HELB: variants seen among roughly 807,000 people sequenced by gnomAD.
The protein encoded by HELB is DNA 5'-3' helicase B.
In HELB, 96 loss-of-function variants were observed where a neutral mutation model predicts 101.7. The observed-to-expected ratio is 0.94, with a 90% CI of 0.80 to 1.12. HELB has a LOEUF of 1.12. HELB is among the 50% of genes most tolerant of loss of function. The probability of loss-of-function intolerance (pLI) is 0.00; values close to 1 mark genes in which losing one functional copy is unlikely to be tolerated. For synonymous variants in HELB, 437 were observed against 459.7 expected (o/e 0.95, Z 0.63); for missense variants, 1,210 against 1,291.9 (o/e 0.94, Z 0.97).
Position 66,306,603 on chromosome 12 carries a change from A to C in HELB, c.777+89A>C, listed in dbSNP as rs552455557. The C allele has an allele frequency of 4.4e-6, 4 of 906,360 alleles. No individual in the cohort carries two copies. In the East Asian group the frequency reaches 1.1e-4, roughly 25 times the overall value. 56.1% of individuals were successfully genotyped at this position (906,360 alleles called of 1,614,324 possible). On this transcript the variant is annotated intron_variant, in intron 3 of 12. Transcript: ENST00000247815. ...TTTTCCTTTCTCTTTCAAAGGAAAA[A>C]AATTTGTGTGGACCCCAGTATTGAT... is the stretch of plus-strand genomic sequence containing the variant.
intron 5 of HELB, among the ~76,000 whole-genome samples, chr12:66,314,497 A>G (rs2053579386): frequency 6.6e-6 from 1 of 152,162 alleles, no homozygotes. Flanking sequence ...AGTTTGAATT[A>G]TAGGCCACTT....
chr12:66,337,181 A>C (rs115548273), intron 12 of HELB, among the ~76,000 whole-genome samples: 179 of 152,222 alleles, frequency 1.2e-3, no homozygotes, highest in African/African-American at 4.0e-3. Flanking sequence ...TTTGTGGGAA[A>C]AGTGAGTAAA....
intron 5 of HELB, among the ~76,000 whole-genome samples, chr12:66,314,568 C>T (rs1025338339): frequency 2.6e-5 from 4 of 152,046 alleles, no homozygotes; most frequent in African/African-American, 9.7e-5. Flanking sequence ...TAAGTCCTTC[C>T]AATTCTGATA....
At chr12:66,327,920 G>C (rs1393161122) in intron 11 of HELB, among the ~76,000 whole-genome samples, 2 of 152,212 alleles carry the variant, frequency 1.3e-5, no homozygotes, top group Non-Finnish European at 2.9e-5. Context: ...TCATTGAGAA[G>C]ATAACATTTT....
intron 7 of HELB, among the ~76,000 whole-genome samples, chr12:66,320,080 C>T (rs113944729): frequency 0.017 from 2,587 of 151,898 alleles, 81 homozygotes; most frequent in African/African-American, 0.06. Flanking sequence ...TATTTTCAAA[C>T]ATCAGAGTAC....
At chr12:66,324,242 A>G in intron 10 of HELB, 31 bp downstream of exon 10, 2 of 1,359,840 alleles carry the variant, frequency 1.5e-6, no homozygotes, top group Non-Finnish European at 2.1e-6. Flanking sequence ...ATATCTTTTA[A>G]CTAATTAGAG....
intron 4 of HELB, among the ~76,000 whole-genome samples, chr12:66,313,011 T>C (rs977707751): frequency 2.0e-5 from 3 of 152,140 alleles, no homozygotes; most frequent in African/African-American, 7.2e-5. Context: ...GCACTAGAAA[T>C]ACAGTGGAAA....
At chr12:66,308,884 A>G (rs1470909853) in intron 3 of HELB, among the ~76,000 whole-genome samples, 1 of 152,164 alleles carries the variant, frequency 6.6e-6, no homozygotes, top group African/African-American at 2.4e-5. Context: ...TTGGGGGGAC[A>G]CAGTTCGGCC....
intron 6 of HELB, among the ~76,000 whole-genome samples, chr12:66,318,228 G>T (rs926081727): frequency 1.3e-5 from 2 of 152,084 alleles, no homozygotes; most frequent in African/African-American, 4.8e-5. Context: ...TTCTATTATT[G>T]TGGCCTTGGG....
intron 6 of HELB, among the ~76,000 whole-genome samples, chr12:66,315,654 T>A (rs17102384): frequency 0.016 from 2,455 of 152,294 alleles, 72 homozygotes; most frequent in African/African-American, 0.057. Context: ...TGTATTAAGC[T>A]TAAGGACTAG....
downstream of HELB, chr12:66,342,117 C>T (rs1181401205): frequency 6.6e-6 from 1 of 152,072 alleles, no homozygotes. Flanking sequence ...ATTTTTTCTT[C>T]TAATAATTTA....
chr12:66,304,590 T>A (rs2053449820), intron 1 of HELB, 141 bp from the exon 2 acceptor site: 4 of 700,780 alleles, frequency 5.7e-6, no homozygotes, highest in Non-Finnish European at 9.3e-6. Context: ...GAATGCAGTG[T>A]TACAGGCACC....
chr12:66,318,920 A>T, intron 7 of HELB, 128 bp downstream of exon 7: 1 of 707,194 alleles, frequency 1.4e-6, no homozygotes. Context: ...AAAAAGAGAC[A>T]TTGAAAATAA....
intron 4 of HELB, among the ~76,000 whole-genome samples, chr12:66,312,761 C>G (rs1417012796): frequency 1.3e-5 from 2 of 152,284 alleles, no homozygotes; most frequent in African/African-American, 4.8e-5. Context: ...CATCCTTGGA[C>G]TAGGGTTGCC....
At chr12:66,304,020 A>G (rs1439912443) in intron 1 of HELB, among the ~76,000 whole-genome samples, 1 of 152,254 alleles carries the variant, frequency 6.6e-6, no homozygotes, top group Non-Finnish European at 1.5e-5. Flanking sequence ...GTGGGTGGAC[A>G]GCGCAGATTT....
At chr12:66,320,018 A>G (rs183363008) in intron 7 of HELB, among the ~76,000 whole-genome samples, 2 of 151,900 alleles carry the variant, frequency 1.3e-5, no homozygotes, top group Admixed American at 1.3e-4. Context: ...CCCTGAGGTT[A>G]TTGTGCTTTC....
At position 66,304,850 on chromosome 12, in the gene HELB, C is replaced by A. The variant is rs1366793447; in HGVS notation, c.307C>A (p.Gln103Lys). 6.2e-7 allele frequency: 1 copy of A among 1,614,052 alleles called. No homozygotes were observed. The highest frequency in any genetic ancestry group is 8.5e-7 in the Non-Finnish European group (1 of 1,179,994). ...GCCTGTGGTGGGATCAAGGAGCTAT[C>A]AATATCAAGTTCAAGGATTTCCGTC... is the stretch of plus-strand genomic sequence containing the variant. ...VKPVVGSRSYQYQVQGFPSYF... is the reference protein window; with the variant it reads ...VKPVVGSRSYKYQVQGFPSYF... Residue 103 changes from glutamine (Q) to lysine (K), a missense_variant, in exon 2 of 13, where the codon CAA becomes AAA. Gln to Lys is a moderately conservative substitution (Grantham distance 53). This residue lies in a region of HELB where 470 missense variants were observed against 563.1 expected (regional missense o/e 0.83). Transcript: ENST00000247815.
intron 1 of HELB, 127 bp from the exon 2 acceptor site, chr12:66,304,604 C>G: frequency 1.2e-6 from 1 of 808,992 alleles, no homozygotes; most frequent in South Asian, 1.8e-5. Flanking sequence ...AGGCACCCTA[C>G]CAGACATCTT....
At chr12:66,317,930 T>C (rs2053628089) in intron 6 of HELB, among the ~76,000 whole-genome samples, 1 of 152,170 alleles carries the variant, frequency 6.6e-6, no homozygotes, top group Admixed American at 6.5e-5. Flanking sequence ...GTTAGTTCTG[T>C]TCGAGGAGTC....
Sources: gnomAD v4.1 joint callset for allele counts (sites outside exome capture counted in the v4.1 genomes callset) on GRCh38, gnomAD v4.1.1 for gene constraint, gnomAD v4.1.1 regional missense constraint, MANE v1.5 for transcripts, NCBI Gene and HGNC (gene_info 2026-07-23, HGNC 2026-07-21) for gene names.